Variants in CTNNA3 observed in about 807,000 individuals in gnomAD.
CTNNA3 encodes catenin alpha-3.
Under a neutral mutation model 95.7 loss-of-function variants are expected in CTNNA3, and 76 were observed. The ratio of observed to expected loss-of-function variants is 0.79; its 90% CI spans 0.66 to 0.96. The LOEUF (loss-of-function observed/expected upper bound fraction) is 0.96. Ranked by LOEUF, CTNNA3 falls within the 40% of genes least tolerant of loss-of-function variation. CTNNA3 has a pLI of 0.00. For synonymous variants in CTNNA3, 431 were observed against 374.4 expected (o/e 1.15, Z -1.74); for missense variants, 1,191 against 1,089.8 (o/e 1.09, Z -1.31).
chr10:66,060,862 C>T (rs923650215), intron 15 of CTNNA3, among the ~76,000 whole-genome samples: 5 of 152,094 alleles, frequency 3.3e-5, no homozygotes, highest in African/African-American at 1.2e-4. Context: ...ATACTCAATG[C>T]TAAGTGTCAA....
chr10:67,117,679 T>C (rs1174816056), intron 7 of CTNNA3, among the ~76,000 whole-genome samples: 1 of 152,074 alleles, frequency 6.6e-6, no homozygotes, highest in Non-Finnish European at 1.5e-5. Flanking sequence ...AATTCAATTA[T>C]AAAGCCATGG....
intron 8 of CTNNA3, among the ~76,000 whole-genome samples, chr10:66,774,835 T>C (rs1276048005): frequency 6.6e-6 from 1 of 152,198 alleles, no homozygotes; most frequent in Non-Finnish European, 1.5e-5. Context: ...TGTGGCATCA[T>C]ACTAGACTTA....
intron 11 of CTNNA3, among the ~76,000 whole-genome samples, chr10:66,441,013 A>G (rs2093371751): frequency 6.6e-6 from 1 of 152,116 alleles, no homozygotes; most frequent in African/African-American, 2.4e-5. Flanking sequence ...CTCTGGCACC[A>G]AGCCAGGCAC....
At position 66,899,549 on chromosome 10, in the gene CTNNA3, T is replaced by A. The variant is rs1291393656; in HGVS notation, c.1048-124025A>T. Among the ~76,000 whole-genome samples the A allele has an allele frequency of 3.3e-5, 5 of 152,198 alleles. No individual in the cohort carries two copies. The South Asian group carries it at 6.2e-4, about 19-fold the overall frequency. The stretch of plus-strand genomic sequence containing the variant: ...GGGTGAGCCAAAGTAGGGCGGGGCA[T>A]TGCCTCACCCAGGAAGTGCAAGGGT... On this transcript the variant is annotated intron_variant, in intron 7 of 17. Coordinates refer to ENST00000433211, the MANE Select transcript of CTNNA3 (RefSeq NM_013266.4).
chr10:67,382,153 A>G (rs1843973229), intron 5 of CTNNA3, among the ~76,000 whole-genome samples: 2 of 152,174 alleles, frequency 1.3e-5, no homozygotes, highest in Admixed American at 1.3e-4. Flanking sequence ...GGTTTCTGTC[A>G]GCAATCCAAG....
chr10:67,580,218 G>C (rs1487080392), intron 3 of CTNNA3, among the ~76,000 whole-genome samples: 1 of 152,082 alleles, frequency 6.6e-6, no homozygotes, highest in East Asian at 1.9e-4. Context: ...ATCCATTCTT[G>C]AATTAATTTT....
chr10:67,325,291 C>T (rs1241467520), intron 5 of CTNNA3, among the ~76,000 whole-genome samples: 1 of 152,040 alleles, frequency 6.6e-6, no homozygotes, highest in Admixed American at 6.6e-5. Context: ...GATTTGTTTG[C>T]TCCTGGTTCT....
intron 7 of CTNNA3, among the ~76,000 whole-genome samples, chr10:66,805,001 C>T (rs770504071): frequency 6.6e-6 from 1 of 152,040 alleles, no homozygotes; most frequent in Non-Finnish European, 1.5e-5. Context: ...TCCTACCTGA[C>T]TTATGTATGT....
At chr10:66,199,873 C>T (rs1359818203) in intron 13 of CTNNA3, among the ~76,000 whole-genome samples, 4 of 124,920 alleles carry the variant, frequency 3.2e-5, no homozygotes, top group Non-Finnish European at 6.3e-5. Flanking sequence ...GGGATGGTCT[C>T]GATCTCCTGA....
chr10:66,163,298 T>C (rs908626221), intron 13 of CTNNA3, among the ~76,000 whole-genome samples: 1 of 152,054 alleles, frequency 6.6e-6, no homozygotes, highest in Non-Finnish European at 1.5e-5. Flanking sequence ...TTTTACCCCC[T>C]GCTCCTCTGG....
In CTNNA3 at chr10:67,223,075, G is replaced by A. The variant is rs112289156; in HGVS notation, c.580-3205C>T. On this transcript the variant is annotated intron_variant, in intron 5 of 17. Transcript: ENST00000433211. Reference sequence around the variant, plus strand: ...TGAGCCCAAATAGCAAGTCCTTGACGCCTGCGAAAAAGGACTAGATCAGTG... The same window carrying A: ...TGAGCCCAAATAGCAAGTCCTTGACACCTGCGAAAAAGGACTAGATCAGTG... Among the ~76,000 whole-genome samples, 450 of 152,250 alleles carry A rather than the reference G, an allele frequency of 3.0e-3. 2 individuals are homozygous for A. The highest frequency in any genetic ancestry group is 7.9e-3 in the African/African-American group (327 of 41,534).
intron 5 of CTNNA3, among the ~76,000 whole-genome samples, chr10:67,489,788 T>TTATATATATATA (rs372899542): frequency 9.8e-5 from 14 of 142,456 alleles, no homozygotes; most frequent in African/African-American, 3.3e-4. Flanking sequence ...ATACATGATT[T>TTATATATATATA]TATATATATA....
chr10:67,700,668 G>A (rs1841029558), upstream of CTNNA3, among the ~76,000 whole-genome samples: 2 of 152,128 alleles, frequency 1.3e-5, no homozygotes, highest in African/African-American at 2.4e-5. Flanking sequence ...AAACCACAAA[G>A]ATGGGGAAAA....
chr10:67,744,073 C>A (rs1271739572), intron 1 of CTNNA3, among the ~76,000 whole-genome samples: 2 of 151,396 alleles, frequency 1.3e-5, no homozygotes, highest in African/African-American at 4.8e-5. Flanking sequence ...AATGGCCATA[C>A]TGCCCAAGGT....
chr10:66,958,164 T>C (rs1466950480), intron 7 of CTNNA3, among the ~76,000 whole-genome samples: 1 of 152,118 alleles, frequency 6.6e-6, no homozygotes, highest in Non-Finnish European at 1.5e-5. Context: ...TCTAGTATCA[T>C]TTGTGAATAT....
intron 7 of CTNNA3, among the ~76,000 whole-genome samples, chr10:67,107,927 C>T (rs955445775): frequency 6.6e-6 from 1 of 152,188 alleles, no homozygotes; most frequent in African/African-American, 2.4e-5. Context: ...TCTGGCCTTG[C>T]GGAGAGTCCC....
intron 5 of CTNNA3, among the ~76,000 whole-genome samples, chr10:67,504,378 C>CAGGAGGCAGAGCT (rs755599037): frequency 0.038 from 5,018 of 132,020 alleles, 104 homozygotes; most frequent in South Asian, 0.09. Flanking sequence ...GCAAGAACCA[C>CAGGAGGCAGAGCT]TGCACTGAAA....
intron 7 of CTNNA3, among the ~76,000 whole-genome samples, chr10:66,993,580 T>G (rs1436144651): frequency 6.6e-6 from 1 of 152,144 alleles, no homozygotes; most frequent in Non-Finnish European, 1.5e-5. Flanking sequence ...AGAATTAACT[T>G]GTCTGGTTCC....
At chr10:67,646,239 ACTCCT>A (rs1839704435) in intron 2 of CTNNA3, among the ~76,000 whole-genome samples, 1 of 148,886 alleles carries the variant, frequency 6.7e-6, no homozygotes, top group Non-Finnish European at 1.5e-5. Context: ...CTGGTCTTTA[ACTCCT>A]GGACTTAAGC....
Sources: allele counts gnomAD v4.1 joint callset (sites outside exome capture counted in the v4.1 genomes callset), GRCh38; gene constraint gnomAD v4.1.1; transcripts MANE v1.5; gene names NCBI Gene and HGNC (gene_info 2026-07-23, HGNC 2026-07-21).